Variants in MYBL2 observed in about 807,000 individuals in gnomAD.
The protein encoded by MYBL2 is MYB proto-oncogene like 2.
Under a neutral mutation model 79.9 loss-of-function variants are expected in MYBL2, and 28 were observed. The ratio of observed to expected loss-of-function variants is 0.35; its 90% CI spans 0.26 to 0.48. MYBL2 has a LOEUF of 0.48. MYBL2 is among the 20% of genes least tolerant of loss of function. The pLI is 0.99. For missense variants in MYBL2, 735 were observed against 893.9 expected (o/e 0.82, Z 2.27); for synonymous variants, 378 against 361.2 (o/e 1.05, Z -0.53).
At chr20:43,670,770 T>A (rs1214667958) in intron 1 of MYBL2, among the ~76,000 whole-genome samples, 1 of 152,154 alleles carries the variant, frequency 6.6e-6, no homozygotes, top group Non-Finnish European at 1.5e-5. Context: ...AAGCCTTCTT[T>A]CATTTGTTTC....
intron 11 of MYBL2, 54 bp downstream of exon 11, chr20:43,711,655 T>G: frequency 6.7e-7 from 1 of 1,489,296 alleles, no homozygotes; most frequent in Non-Finnish European, 9.2e-7. Context: ...AGCCGTGGCA[T>G]GGGGGAGGCG....
chr20:43,671,051 C>G (rs1414959949), intron 1 of MYBL2, among the ~76,000 whole-genome samples: 2 of 151,636 alleles, frequency 1.3e-5, no homozygotes, highest in Non-Finnish European at 2.9e-5. Flanking sequence ...TCACTGCAAC[C>G]TCTGCCTCCT....
rs1174030329 is a variant in MYBL2 at position 43,699,740 on chromosome 20, A to G, written c.664-17A>G. 1 of 1,613,420 alleles carries G rather than the reference A, an allele frequency of 6.2e-7. No homozygotes were observed. Among genetic ancestry groups the G allele is most frequent in the Non-Finnish European group, 8.5e-7 (1 of 1,179,716 alleles). ...TATCTCAGCGAAATGCAAATGGTGT[A>G]TTCTTGTGTCTTACAGGGAAGTCTT... On this transcript the variant is annotated splice_polypyrimidine_tract_variant and intron_variant, in intron 6 of 13. Coordinates refer to ENST00000217026, the MANE Select transcript of MYBL2 (RefSeq NM_002466.4).
chr20:43,673,552 A>G, intron 1 of MYBL2: 7 of 533,748 alleles, frequency 1.3e-5, no homozygotes, highest in South Asian at 1.1e-4. Flanking sequence ...CGGGACGATC[A>G]TTTGAGTCCA....
intron 1 of MYBL2, among the ~76,000 whole-genome samples, chr20:43,669,463 C>T (rs933152273): frequency 6.6e-6 from 1 of 152,218 alleles, no homozygotes; most frequent in Non-Finnish European, 1.5e-5. Context: ...TGGCCACTTG[C>T]TGTAACTCTC....
chr20:43,704,942 G>C (rs931629348), intron 8 of MYBL2, among the ~76,000 whole-genome samples: 7 of 152,136 alleles, frequency 4.6e-5, no homozygotes, highest in Admixed American at 4.6e-4. Flanking sequence ...GGCTTCCTGT[G>C]CCTTAACTGC....
intron 4 of MYBL2, 65 bp from the exon 5 acceptor site, chr20:43,686,787 G>A: frequency 1.3e-6 from 2 of 1,507,122 alleles, no homozygotes; most frequent in Non-Finnish European, 1.8e-6. Context: ...AGGTGGATGT[G>A]AAGGGCTATG....
chr20:43,713,218 GCTATCAGGGAGGGT>G, intron 12 of MYBL2, 112 bp downstream of exon 12: 42 of 653,954 alleles, frequency 6.4e-5, no homozygotes, highest in East Asian at 1.9e-4. Flanking sequence ...GCAGGGAGGG[GCTATCAGGGAGGGT>G]GGGTCCGGGC....
At chr20:43,687,547 C>G (rs1192958886) in intron 5 of MYBL2, among the ~76,000 whole-genome samples, 2 of 152,026 alleles carry the variant, frequency 1.3e-5, no homozygotes, top group Non-Finnish European at 2.9e-5. Flanking sequence ...CAGTCTTTGT[C>G]ACCACTCTGT....
intron 7 of MYBL2, 116 bp downstream of exon 7, chr20:43,700,160 G>C: frequency 1.5e-6 from 2 of 1,371,430 alleles, no homozygotes; most frequent in Non-Finnish European, 2.0e-6. Flanking sequence ...TTACTGACTT[G>C]ATGCTGAATG....
chr20:43,675,026 A>G (rs1358069280), intron 2 of MYBL2, among the ~76,000 whole-genome samples: 1 of 152,116 alleles, frequency 6.6e-6, no homozygotes, highest in Non-Finnish European at 1.5e-5. Context: ...TCTGTCACCC[A>G]GGCTGGAGTG....
chr20:43,701,447 G>A (rs938021948), intron 7 of MYBL2, among the ~76,000 whole-genome samples: 10 of 152,214 alleles, frequency 6.6e-5, no homozygotes, highest in African/African-American at 2.4e-4. Flanking sequence ...AGAACCCAAA[G>A]ACCAAAGTGG....
At chr20:43,671,756 C>T (rs1986863456) in intron 1 of MYBL2, among the ~76,000 whole-genome samples, 1 of 151,948 alleles carries the variant, frequency 6.6e-6, no homozygotes. Flanking sequence ...AGGTGTGAGC[C>T]ACCACACCTG....
chr20:43,700,884 G>A (rs1009414112), intron 7 of MYBL2, among the ~76,000 whole-genome samples: 4 of 152,142 alleles, frequency 2.6e-5, no homozygotes, highest in African/African-American at 7.2e-5. Flanking sequence ...TGCTACTATC[G>A]CTTGGCAGGC....
chr20:43,709,786 C>T (rs1188529294), intron 9 of MYBL2, among the ~76,000 whole-genome samples, 177 bp from the exon 10 acceptor site: 2 of 152,216 alleles, frequency 1.3e-5, no homozygotes, highest in African/African-American at 4.8e-5. Flanking sequence ...TTAGACTCCC[C>T]TCTCCCTTCT....
chr20:43,670,367 A>T lies in MYBL2; in HGVS notation c.20+3064A>T, dbSNP rs535013061. ...GGAGGACCCATGAACTGGGTCAGGA[A>T]TGAATTCCAGATCCTTCTGTATTGC... On this transcript the variant is annotated intron_variant, in intron 1 of 13. Transcript: ENST00000217026. Among the ~76,000 whole-genome samples the T allele has an allele frequency of 7.2e-5, 11 of 152,292 alleles. No individual in the cohort carries two copies. The South Asian group carries it at 2.3e-3, about 32-fold the overall frequency.
chr20:43,687,156 T>A, intron 5 of MYBL2, 84 bp downstream of exon 5: 1 of 1,403,774 alleles, frequency 7.1e-7, no homozygotes, highest in East Asian at 2.5e-5. Flanking sequence ...TGGGTGGGTA[T>A]TGTGGTCCTG....
intron 10 of MYBL2, among the ~76,000 whole-genome samples, chr20:43,710,460 C>T (rs1396310622): frequency 2.6e-5 from 4 of 152,226 alleles, no homozygotes; most frequent in Admixed American, 6.5e-5. Flanking sequence ...CTACAGAGCA[C>T]GGGAAAGCCC....
chr20:43,704,430 A>T (rs1237711889), intron 8 of MYBL2, among the ~76,000 whole-genome samples: 1 of 152,210 alleles, frequency 6.6e-6, no homozygotes, highest in Non-Finnish European at 1.5e-5. Flanking sequence ...AGCCTGTAAC[A>T]TGCCGCAAGT....
Sources: allele counts gnomAD v4.1 joint callset (sites outside exome capture counted in the v4.1 genomes callset), GRCh38; gene constraint gnomAD v4.1.1; transcripts MANE v1.5; gene names NCBI Gene and HGNC (gene_info 2026-07-23, HGNC 2026-07-21).